Variants in FBN2 observed in about 807,000 individuals in gnomAD.
FBN2 encodes the protein fibrillin 2.
FBN2 carries 105 observed loss-of-function variants against 355.6 expected under a neutral mutation model. That is an observed-to-expected ratio of 0.30 (90% confidence interval 0.25 to 0.35). The LOEUF (loss-of-function observed/expected upper bound fraction) is 0.35. Among genes scored for constraint, FBN2 ranks in the 10% least tolerant of loss-of-function variants. The probability of loss-of-function intolerance (pLI) is 1.00; values close to 1 mark genes in which losing one functional copy is unlikely to be tolerated. For missense variants in FBN2, 3,280 were observed against 3,758.7 expected, an observed-to-expected ratio of 0.87 and a Z score of 3.33; for synonymous variants, 1,350 against 1,301.2, an observed-to-expected ratio of 1.04 and a Z score of -0.81.
chr5:128,354,712 A>T (rs1751457085), intron 20 of FBN2, among the ~76,000 whole-genome samples: 1 of 152,214 alleles, frequency 6.6e-6, no homozygotes, highest in Non-Finnish European at 1.5e-5. Context: ...GACATCAAGG[A>T]TGCTGCCAAG....
chr5:128,408,825 G>A (rs1329465120), intron 7 of FBN2, 26 bp from the exon 8 acceptor site: 1 of 1,613,238 alleles, frequency 6.2e-7, no homozygotes, highest in Admixed American at 1.7e-5. Flanking sequence ...AGGAGAAGAT[G>A]ATTGAGAAAG....
At chr5:128,284,820 G>A (rs540049062) in intron 55 of FBN2, among the ~76,000 whole-genome samples, 1 of 152,270 alleles carries the variant, frequency 6.6e-6, no homozygotes, top group South Asian at 2.1e-4. Flanking sequence ...TAGCATCCCA[G>A]TATTTTCTCC....
chr5:128,498,520 CT>C (rs1561486162), intron 5 of FBN2, among the ~76,000 whole-genome samples: 1 of 152,028 alleles, frequency 6.6e-6, no homozygotes, highest in South Asian at 2.1e-4. Flanking sequence ...CTCAAACTGT[CT>C]TTTTATCAAA....
At chr5:128,367,792 C>A (rs1429902892) in intron 16 of FBN2, among the ~76,000 whole-genome samples, 1 of 151,784 alleles carries the variant, frequency 6.6e-6, no homozygotes, top group African/African-American at 2.4e-5. Context: ...TAGTCTTATG[C>A]CAATTTTTGA....
At chr5:128,325,136 T>C (rs866328868) in intron 34 of FBN2, among the ~76,000 whole-genome samples, 2 of 152,174 alleles carry the variant, frequency 1.3e-5, no homozygotes, top group Non-Finnish European at 2.9e-5. Flanking sequence ...CACTTGGTCC[T>C]GAGCTGAGTT....
intron 2 of FBN2, among the ~76,000 whole-genome samples, chr5:128,535,933 G>C (rs1427763249): frequency 6.6e-6 from 1 of 151,912 alleles, no homozygotes; most frequent in Non-Finnish European, 1.5e-5. Context: ...TTATGTGGTT[G>C]TTGATATAAA....
intron 7 of FBN2, among the ~76,000 whole-genome samples, chr5:128,430,355 T>G (rs1006030673): frequency 6.6e-6 from 1 of 152,220 alleles, no homozygotes; most frequent in Non-Finnish European, 1.5e-5. Context: ...TTTATTGTTC[T>G]ATTTAAAATT....
At chr5:128,336,169 C>T (rs1750836252) in intron 27 of FBN2, 56 bp from the exon 28 acceptor site, 1 of 1,573,446 alleles carries the variant, frequency 6.4e-7, no homozygotes, top group Non-Finnish European at 8.7e-7. Flanking sequence ...CTAAAGCCAT[C>T]AGAAAGGTGC....
At chr5:128,500,430 CTTTTTTTTTTTTTTTT>C (rs149068555) in intron 5 of FBN2, among the ~76,000 whole-genome samples, 11 of 51,180 alleles carry the variant, frequency 2.1e-4, no homozygotes, top group African/African-American at 9.4e-4. Flanking sequence ...TCTGACAATT[CTTTTTTTTTTTTTTTT>C]TTTTTTTTTT....
chr5:128,464,582 C>T, intron 6 of FBN2, 142 bp downstream of exon 6: 1 of 804,390 alleles, frequency 1.2e-6, no homozygotes, highest in Non-Finnish European at 2.1e-6. Context: ...GATAAACCTT[C>T]TCTGGTCAGG....
At chr5:128,415,363 C>T (rs12656510) in intron 7 of FBN2, among the ~76,000 whole-genome samples, 10,257 of 152,202 alleles carry the variant, frequency 0.067, 1,158 homozygotes, top group East Asian at 0.6. Flanking sequence ...TCCACTATGG[C>T]CAAACATCCT....
At chr5:128,514,684 T>A (rs1168396791) in intron 5 of FBN2, among the ~76,000 whole-genome samples, 1 of 152,196 alleles carries the variant, frequency 6.6e-6, no homozygotes, top group Non-Finnish European at 1.5e-5. Flanking sequence ...TACTCTTACA[T>A]CTTGCTTGTC....
chr5:128,366,646 G>A (rs763083329), intron 16 of FBN2, among the ~76,000 whole-genome samples: 32 of 151,846 alleles, frequency 2.1e-4, no homozygotes, highest in Non-Finnish European at 4.4e-4. Context: ...TCATCATCCT[G>A]AATATTATTA....
chr5:128,384,112 A>G (rs1328035216), intron 11 of FBN2, among the ~76,000 whole-genome samples: 6 of 152,162 alleles, frequency 3.9e-5, no homozygotes, highest in Non-Finnish European at 7.4e-5. Flanking sequence ...AACAAAAAGA[A>G]ATAAATGATT....
At chr5:128,273,146 T>A (rs888876603) in intron 61 of FBN2, among the ~76,000 whole-genome samples, 2 of 152,172 alleles carry the variant, frequency 1.3e-5, no homozygotes, top group African/African-American at 4.8e-5. Flanking sequence ...ATAAATATAG[T>A]CTCATAATCT....
chr5:128,510,977 C>T (rs1561491717), intron 5 of FBN2, among the ~76,000 whole-genome samples: 1 of 152,040 alleles, frequency 6.6e-6, no homozygotes, highest in Non-Finnish European at 1.5e-5. Context: ...CTTTATACCT[C>T]CATTTTTTTA....
chr5:128,369,518 G>A (rs1057215741), intron 15 of FBN2, among the ~76,000 whole-genome samples, 184 bp from the exon 16 acceptor site: 1 of 152,174 alleles, frequency 6.6e-6, no homozygotes, highest in Non-Finnish European at 1.5e-5. Context: ...TCTGAGTGAG[G>A]AAAAGAATGG....
intron 39 of FBN2, among the ~76,000 whole-genome samples, chr5:128,310,640 C>A (rs1295864864): frequency 6.6e-6 from 1 of 151,990 alleles, no homozygotes; most frequent in Non-Finnish European, 1.5e-5. Flanking sequence ...ATACATTTAT[C>A]AAACATGTTC....
In FBN2 at chr5:128,504,483, C is replaced by T. The variant is rs1483860724; in HGVS notation, c.628+14790G>A. 2.6e-5 allele frequency among the ~76,000 whole-genome samples: 4 copies of T among 152,170 alleles called. No homozygotes were observed. The South Asian group carries it at 6.2e-4, about 24-fold the overall frequency. On this transcript the variant is annotated intron_variant, in intron 5 of 64. Coordinates refer to ENST00000262464, the MANE Select transcript of FBN2 (RefSeq NM_001999.4). Reference sequence around the variant, plus strand: ...GCGGAGCTGCCCAAGACCATGGGGACCCACCTCTTGCTTCAGCATGACCTG... The same window carrying T: ...GCGGAGCTGCCCAAGACCATGGGGATCCACCTCTTGCTTCAGCATGACCTG...
Sources: allele counts gnomAD v4.1 joint callset (sites outside exome capture counted in the v4.1 genomes callset), GRCh38; gene constraint gnomAD v4.1.1; transcripts MANE v1.5; gene names NCBI Gene and HGNC (gene_info 2026-07-23, HGNC 2026-07-21).